The following AVPR1A variants were observed in gnomAD, a reference collection of about 807,000 sequenced individuals.
AVPR1A encodes the protein arginine vasopressin receptor 1A.
In AVPR1A, 31 loss-of-function variants were observed where a neutral mutation model predicts 31.5. The observed-to-expected ratio is 0.99, with a 90% CI of 0.74 to 1.33. The LOEUF is 1.33. Among genes scored for constraint, AVPR1A ranks in the 40% most tolerant of loss-of-function variants. The pLI is 0.00. For synonymous variants in AVPR1A, 243 were observed against 233.2 expected, an observed-to-expected ratio of 1.04 and a Z score of -0.38; for missense variants, 570 against 575.2, an observed-to-expected ratio of 0.99 and a Z score of 0.09.
chr12:63,150,492 G>A lies in AVPR1A; in HGVS notation c.345C>T (p.Tyr115=), dbSNP rs754196870. 2.5e-6 allele frequency: 4 copies of A among 1,613,408 alleles called. No homozygotes were observed. In the Admixed American group the frequency reaches 6.7e-5, roughly 27 times the overall value. The change falls in exon 1 of 2, where the codon TAC becomes TAT. Residue 115 remains tyrosine, a synonymous_variant. Coordinates refer to ENST00000299178, the MANE Select transcript of AVPR1A (RefSeq NM_000706.5). This position sits in a 1 kb window ranked among gnomAD's most constrained non-coding sequence, Gnocchi z 4.9. ...VLPQMCWDIT[Y]RFRGPDWLCR... ...ACAGCCAGTCGGGGCCGCGGAAGCG[G>A]TAGGTGATGTCCCAGCACATTTGCG...
intron 1 of AVPR1A, among the ~76,000 whole-genome samples, 159 bp downstream of exon 1, chr12:63,149,708 T>C (rs577012200): frequency 2.0e-4 from 31 of 151,586 alleles, no homozygotes; most frequent in African/African-American, 7.3e-4. Flanking sequence ...TATGTACACA[T>C]AGAAGTTTAA....
chr12:63,149,779 C>G, intron 1 of AVPR1A, 88 bp downstream of exon 1: 5 of 1,293,474 alleles, frequency 3.9e-6, no homozygotes, highest in Non-Finnish European at 5.1e-6. Flanking sequence ...TTTTCTCTCT[C>G]TCTCTCTCTC....
At chr12:63,149,788 TCTCTCTCTCTCA>T (rs1463192598) in intron 1 of AVPR1A, 67 bp downstream of exon 1, 20 of 1,472,852 alleles carry the variant, frequency 1.4e-5, no homozygotes, top group African/African-American at 4.6e-5. Context: ...TCTCTCTCTC[TCTCTCTCTCTCA>T]CACACACACA....
rs1394832734 is a variant in AVPR1A at position 63,143,153 on chromosome 12, T to C, written c.*4206A>G. 2.0e-5 allele frequency: 3 copies of C among 151,956 alleles called. No individual in the cohort carries two copies. The highest frequency in any genetic ancestry group is 7.2e-5 in the African/African-American group (3 of 41,426). 9.4% of individuals were successfully genotyped at this position (151,956 alleles called of 1,614,324 possible). A position where few individuals can be genotyped will look rare whatever the true frequency, so the allele number is the denominator to read the frequency against. On this transcript the variant is annotated 3_prime_UTR_variant, in exon 2 of 2. Coordinates refer to ENST00000299178, the MANE Select transcript of AVPR1A (RefSeq NM_000706.5). ...TGAAAATATTATTTTATATTAATAA[T>C]AATTATTCTGGTATTTATATCAGAT...
chr12:63,150,594 G>C lies in AVPR1A; in HGVS notation c.243C>G (p.Arg81=), dbSNP rs1868457520. ...SVLLALHRTP[R]KTSRMHLFIR... is the part of the protein sequence containing the mutation. The stretch of plus-strand genomic sequence containing the variant: ...TGAAGAGGTGCATGCGGGACGTCTT[G>C]CGCGGCGTCCGGTGCAGAGCCAGCA... The change falls in exon 1 of 2, where the codon CGC becomes CGG. Residue 81 remains arginine (R), a synonymous_variant. Coordinates refer to ENST00000299178, the MANE Select transcript of AVPR1A (RefSeq NM_000706.5). This position sits in a 1 kb window ranked among gnomAD's most constrained non-coding sequence, Gnocchi z 4.9. 3 of 1,610,920 alleles carry C rather than the reference G, an allele frequency of 1.9e-6. No individual in the cohort carries two copies. Among genetic ancestry groups the C allele is most frequent in the East Asian group, 4.5e-5 (2 of 44,854 alleles).
chr12:63,149,201 C>T (rs1868407078), intron 1 of AVPR1A, among the ~76,000 whole-genome samples: 1 of 151,948 alleles, frequency 6.6e-6, no homozygotes. Context: ...AATAATTCTG[C>T]TTTGAAATAC....
Position 63,144,319 on chromosome 12 carries a change from T to C in AVPR1A, c.*3040A>G, listed in dbSNP as rs1361025958. On this transcript the variant is annotated 3_prime_UTR_variant, in exon 2 of 2. Transcript: ENST00000299178. ...CTCCAAAATTAACCCATTAAGCACT[T>C]AATAATGCACTCTAAATTGTTTATT... 6.6e-6 allele frequency: 1 copy of C among 152,220 alleles called. No homozygotes were observed. The highest frequency in any genetic ancestry group is 1.5e-5 in the Non-Finnish European group (1 of 68,030). The allele number at this position is 152,220 out of a possible 1,614,324, so 9.4% of individuals were successfully genotyped here.
intron 1 of AVPR1A, among the ~76,000 whole-genome samples, chr12:63,149,342 A>T (rs1251481909): frequency 2.0e-5 from 3 of 152,190 alleles, no homozygotes; most frequent in Non-Finnish European, 4.4e-5. Flanking sequence ...AGAAATATAT[A>T]TCTGTTTCTA....
chr12:63,150,673 A>T lies in AVPR1A; in HGVS notation c.164T>A (p.Ile55Asn), dbSNP rs1036804201. The T allele has an allele frequency of 6.2e-7, 1 of 1,608,388 alleles. No homozygotes were observed. Among genetic ancestry groups the T allele is most frequent in the Non-Finnish European group, 8.5e-7 (1 of 1,179,838 alleles). ...VRNEELAKLE[I>N]AVLAVTFAVA... ...CGCGAAAGTCACCGCCAGCACGGCG[A>T]TCTCCAGTTTGGCCAGCTCCTCGTT... is the stretch of plus-strand genomic sequence containing the variant. Residue 55 changes from isoleucine to asparagine, a missense_variant, in exon 1 of 2, where the codon ATC becomes AAC. Physicochemically the swap from Ile to Asn is moderately radical, Grantham distance 149. Transcript: ENST00000299178. The surrounding 1 kb of genome is among the most constrained non-coding windows in gnomAD (Gnocchi z 4.9).
chr12:63,147,905 C>T (rs1183002157), intron 1 of AVPR1A, among the ~76,000 whole-genome samples: 5 of 152,068 alleles, frequency 3.3e-5, no homozygotes, highest in Admixed American at 1.3e-4. Flanking sequence ...GGGAATTTTA[C>T]GAGGTTAAGA....
chr12:63,150,895 C>G lies in AVPR1A; in HGVS notation c.-59G>C. The G allele has an allele frequency of 6.9e-7, 1 of 1,452,812 alleles. No individual in the cohort carries two copies. The highest frequency in any genetic ancestry group is 9.0e-7 in the Non-Finnish European group (1 of 1,110,632). 90.0% of individuals were successfully genotyped at this position (1,452,812 alleles called of 1,614,324 possible). On this transcript the variant is annotated 5_prime_UTR_variant, in exon 1 of 2. Transcript: ENST00000299178. The surrounding 1 kb of genome is among the most constrained non-coding windows in gnomAD (Gnocchi z 4.9). Reference sequence around the variant, plus strand: ...GAGCTCCAGCCCTCGCGGGCCGCTCCCTCCCCGTCTCGGAGGACTTGGGCT... The same window carrying G: ...GAGCTCCAGCCCTCGCGGGCCGCTCGCTCCCCGTCTCGGAGGACTTGGGCT...
In AVPR1A at chr12:63,147,237, A is replaced by G. The variant is rs2120749973; in HGVS notation, c.*122T>C. On this transcript the variant is annotated 3_prime_UTR_variant, in exon 2 of 2. Coordinates refer to ENST00000299178, the MANE Select transcript of AVPR1A (RefSeq NM_000706.5). ...AAAATGCAACTAGAAACACAGTCTC[A>G]TACACAATGAATTGATTTATGGTTA... The G allele has an allele frequency of 8.3e-7, 1 of 1,200,792 alleles. No individual in the cohort carries two copies. The highest frequency in any genetic ancestry group is 1.2e-6 in the Non-Finnish European group (1 of 853,594). 74.4% of individuals were successfully genotyped at this position (1,200,792 alleles called of 1,614,324 possible). A position where few individuals can be genotyped will look rare whatever the true frequency, so the allele number is the denominator to read the frequency against.
intron 1 of AVPR1A, among the ~76,000 whole-genome samples, chr12:63,148,865 T>G (rs911898991): frequency 6.6e-6 from 1 of 152,186 alleles, no homozygotes; most frequent in African/African-American, 2.4e-5. Flanking sequence ...CAGATACCTA[T>G]TTCCTGTTAC....
In AVPR1A at chr12:63,150,824, C is replaced by A. The variant is rs776399150; in HGVS notation, c.13G>T (p.Ala5Ser). Residue 5 changes from alanine to serine, a missense_variant, in exon 1 of 2, where the codon GCC (alanine) becomes TCC (serine). By Grantham distance (99) the Ala-to-Ser change is moderately conservative. Coordinates refer to ENST00000299178, the MANE Select transcript of AVPR1A (RefSeq NM_000706.5). This position sits in a 1 kb window ranked among gnomAD's most constrained non-coding sequence, Gnocchi z 4.9. Reference protein sequence around the residue: MRLSAGPDAGPSGNS... With the variant: MRLSSGPDAGPSGNS... ...CCCGAGGGCCCCGCGTCGGGACCGG[C>A]GGAGAGACGCATGCTGTCCATGCAG... 1.6e-5 allele frequency: 26 copies of A among 1,587,012 alleles called. No individual in the cohort carries two copies. The highest frequency in any genetic ancestry group is 1.8e-4 in the Middle Eastern group (1 of 5,548).
rs983898729 is a variant in AVPR1A, at chr12:63,151,049, C to T, written c.-213G>A. ...AGCTCTCAGCAGGGTGAGCTGGCCCCTCTCCCTGCTCTGCCTTTTTTCAAC... is the reference window on the plus strand; with the variant it reads ...AGCTCTCAGCAGGGTGAGCTGGCCCTTCTCCCTGCTCTGCCTTTTTTCAAC... On this transcript the variant is annotated 5_prime_UTR_variant, in exon 1 of 2. Coordinates refer to ENST00000299178, the MANE Select transcript of AVPR1A (RefSeq NM_000706.5). 1.3e-5 allele frequency: 8 copies of T among 626,540 alleles called. No individual in the cohort carries two copies. The African/African-American group carries it at 1.5e-4, about 12-fold the overall frequency. The allele number at this position is 626,540 out of a possible 1,614,324, so 38.8% of individuals were successfully genotyped here.
In AVPR1A at chr12:63,142,799, A is replaced by G. The variant is rs1365763106; in HGVS notation, c.*4560T>C. On this transcript the variant is annotated 3_prime_UTR_variant, in exon 2 of 2. Coordinates refer to ENST00000299178, the MANE Select transcript of AVPR1A (RefSeq NM_000706.5). ...TGTTTATAGAAACAAGACAACACAC[A>G]GTAAAATTGAGGAAATACAATAGTT... 6 of 152,196 alleles carry G rather than the reference A, an allele frequency of 3.9e-5. No homozygotes were observed. The allele number at this position is 152,196 out of a possible 1,614,324, so 9.4% of individuals were successfully genotyped here.
At position 63,143,050 on chromosome 12, in the gene AVPR1A, T is replaced by G. The variant is rs1385603217; in HGVS notation, c.*4309A>C. 6.6e-6 allele frequency: 1 copy of G among 152,124 alleles called. No individual in the cohort carries two copies. 9.4% of individuals were successfully genotyped at this position (152,124 alleles called of 1,614,324 possible). On this transcript the variant is annotated 3_prime_UTR_variant, in exon 2 of 2. Transcript: ENST00000299178. ...ATGCAACATTAATTCTTAGTACATT[T>G]GTTATGGTAATGAATTAAAGCATTA... is the stretch of plus-strand genomic sequence containing the variant.
In AVPR1A at chr12:63,150,477, G is replaced by C. The variant is rs761284955; in HGVS notation, c.360C>G (p.Pro120=). Reference sequence around the variant, plus strand: ...GCTTCACCACGCGGCACAGCCAGTCGGGGCCGCGGAAGCGGTAGGTGATGT... The same window carrying C: ...GCTTCACCACGCGGCACAGCCAGTCCGGGCCGCGGAAGCGGTAGGTGATGT... ...CWDITYRFRG[P]DWLCRVVKHL... is the part of the protein sequence containing the mutation. Residue 120 remains proline (P), a synonymous_variant, in exon 1 of 2, where the codon CCC becomes CCG. Transcript: ENST00000299178. The surrounding 1 kb of genome is among the most constrained non-coding windows in gnomAD (Gnocchi z 4.9). 20 of 1,613,408 alleles carry C rather than the reference G, an allele frequency of 1.2e-5. No homozygotes were observed. Among genetic ancestry groups the C allele is most frequent in the South Asian group, 2.2e-5 (2 of 91,042 alleles).
At position 63,149,784 on chromosome 12, in the gene AVPR1A, T is replaced by A. The variant is rs1191287747; in HGVS notation, c.970+83A>T. On this transcript the variant is annotated intron_variant, in intron 1 of 1. Coordinates refer to ENST00000299178, the MANE Select transcript of AVPR1A (RefSeq NM_000706.5). The stretch of plus-strand genomic sequence containing the variant: ...ATTCTCATTTTTTTCTCTCTCTCTC[T>A]CTCTCTCTCTCTCTCACACACACAC... 330 of 1,442,926 alleles carry A rather than the reference T, an allele frequency of 2.3e-4. No homozygotes were observed. The African/African-American group carries it at 5.1e-3, about 22-fold the overall frequency. The allele number at this position is 1,442,926 out of a possible 1,614,324, so 89.4% of individuals were successfully genotyped here.
Sources: allele counts gnomAD v4.1 joint callset (sites outside exome capture counted in the v4.1 genomes callset), GRCh38; gene constraint gnomAD v4.1.1; non-coding constraint Gnocchi (gnomAD v3.1); transcripts MANE v1.5; gene names NCBI Gene and HGNC (gene_info 2026-07-23, HGNC 2026-07-21).